GPC3: variants seen among roughly 807,000 people sequenced by gnomAD.
GPC3 encodes the protein glypican-3.
In GPC3, 3 loss-of-function variants were observed where a neutral mutation model predicts 34.4. The ratio of observed to expected loss-of-function variants is 0.09; its 90% CI spans 0.04 to 0.23. GPC3 has a LOEUF of 0.23. Ranked by LOEUF, GPC3 falls within the 10% of genes least tolerant of loss-of-function variation. The pLI, the probability that GPC3 is intolerant of heterozygous loss-of-function variation, is 1.00. For synonymous variants in GPC3, 177 were observed against 174.0 expected, an observed-to-expected ratio of 1.02 and a Z score of -0.13; for missense variants, 351 against 445.6, an observed-to-expected ratio of 0.79 and a Z score of 1.91.
intron 2 of GPC3, among the ~76,000 whole-genome samples, chrX:133,886,852 T>C: frequency 8.9e-6 from 1 of 112,931 alleles, no homozygotes; most frequent in Non-Finnish European, 1.9e-5. Context: ...AATCTGCTGA[T>C]GGATATTTAG....
intron 6 of GPC3, among the ~76,000 whole-genome samples, chrX:133,603,121 G>A (rs1488279400): frequency 6.1e-5 from 6 of 98,305 alleles, no homozygotes; most frequent in South Asian, 4.8e-4. Context: ...TTGTGATTTC[G>A]AAAAAAATAA....
At chrX:133,714,489 C>G (rs916415526) in intron 3 of GPC3, among the ~76,000 whole-genome samples, 1 of 110,659 alleles carries the variant, frequency 9.0e-6, no homozygotes, top group Non-Finnish European at 1.9e-5. Flanking sequence ...TCTTTGGGGT[C>G]CTGTATAGCT....
intron 6 of GPC3, among the ~76,000 whole-genome samples, chrX:133,630,447 C>T (rs2070352890): frequency 8.9e-6 from 1 of 111,909 alleles, no homozygotes; most frequent in Non-Finnish European, 1.9e-5. Context: ...TTTCCCTTGA[C>T]CTGAATTCTG....
At chrX:133,797,973 T>G (rs2075590690) in intron 2 of GPC3, among the ~76,000 whole-genome samples, 1 of 112,038 alleles carries the variant, frequency 8.9e-6, no homozygotes, top group Non-Finnish European at 1.9e-5. Flanking sequence ...AAAATTATAA[T>G]AAGTTTCCTA....
At chrX:133,594,008 A>G (rs914001222) in intron 7 of GPC3, among the ~76,000 whole-genome samples, 1 of 111,318 alleles carries the variant, frequency 9.0e-6, no homozygotes, top group African/African-American at 3.3e-5. Flanking sequence ...AGGCAGGAAA[A>G]TTGCTTGAAC....
intron 2 of GPC3, among the ~76,000 whole-genome samples, chrX:133,828,944 T>C (rs887044587): frequency 1.8e-5 from 2 of 112,059 alleles, no homozygotes; most frequent in Non-Finnish European, 3.8e-5. Flanking sequence ...CATTATGTTG[T>C]ATTCCATAAA....
intron 2 of GPC3, among the ~76,000 whole-genome samples, chrX:133,907,850 G>T (rs1265137220): frequency 9.0e-6 from 1 of 111,070 alleles, no homozygotes; most frequent in African/African-American, 3.3e-5. Flanking sequence ...AATACAGATT[G>T]CCAAATTGCT....
intron 6 of GPC3, among the ~76,000 whole-genome samples, chrX:133,626,341 T>C (rs2070297971): frequency 9.0e-6 from 1 of 111,611 alleles, no homozygotes. Context: ...AAAGAGCTTC[T>C]GCATAACAAA....
At chrX:133,802,136 T>A (rs1407654122) in intron 2 of GPC3, among the ~76,000 whole-genome samples, 1 of 111,887 alleles carries the variant, frequency 8.9e-6, no homozygotes, top group Admixed American at 9.5e-5. Flanking sequence ...AGATGAATAA[T>A]TAACTTTTTT....
intron 2 of GPC3, among the ~76,000 whole-genome samples, chrX:133,903,639 C>T (rs2076155631): frequency 8.9e-6 from 1 of 112,014 alleles, no homozygotes; most frequent in Non-Finnish European, 1.9e-5. Flanking sequence ...TAAATAAATA[C>T]ATTTTTATGT....
chrX:133,955,678 G>A (rs921881734), intron 1 of GPC3, among the ~76,000 whole-genome samples: 2 of 110,739 alleles, frequency 1.8e-5, no homozygotes, highest in East Asian at 2.8e-4. Context: ...CATAGTAAAT[G>A]AGTGCAATAA....
At chrX:133,932,878 G>A (rs1157896369) in intron 2 of GPC3, among the ~76,000 whole-genome samples, 1 of 111,389 alleles carries the variant, frequency 9.0e-6, no homozygotes, top group Non-Finnish European at 1.9e-5. Flanking sequence ...GACAGACAAA[G>A]AAAATTAATT....
chrX:133,818,149 T>A (rs1035941898), intron 2 of GPC3, among the ~76,000 whole-genome samples: 7 of 111,480 alleles, frequency 6.3e-5, no homozygotes, highest in Non-Finnish European at 1.3e-4. Flanking sequence ...CGATTTATAT[T>A]CCACTAGCAA....
chrX:133,769,188 CTCA>C (rs1301473101), intron 2 of GPC3, among the ~76,000 whole-genome samples: 2 of 111,521 alleles, frequency 1.8e-5, no homozygotes, highest in Non-Finnish European at 3.8e-5. Flanking sequence ...AATAGTCAAA[CTCA>C]TCAAAGCAGA....
intron 4 of GPC3, among the ~76,000 whole-genome samples, chrX:133,696,889 G>A (rs113614021): frequency 3.6e-5 from 4 of 112,554 alleles, no homozygotes; most frequent in African/African-American, 1.3e-4. Context: ...AGCCTGCTCA[G>A]GAAAAAGTCT....
At chrX:133,871,656 T>C (rs2075994499) in intron 2 of GPC3, among the ~76,000 whole-genome samples, 1 of 112,273 alleles carries the variant, frequency 8.9e-6, no homozygotes, top group South Asian at 3.6e-4. Flanking sequence ...TGATACACTT[T>C]AAACCACATA....
intron 3 of GPC3, among the ~76,000 whole-genome samples, chrX:133,742,486 C>T (rs2071572395): frequency 1.8e-5 from 2 of 111,614 alleles, no homozygotes; most frequent in South Asian, 7.5e-4. Flanking sequence ...AGCTCCACTA[C>T]ATGAGATTTA....
At chrX:133,620,798 A>G (rs1206651411) in intron 6 of GPC3, among the ~76,000 whole-genome samples, 1 of 111,911 alleles carries the variant, frequency 8.9e-6, no homozygotes, top group African/African-American at 3.2e-5. Context: ...ATTCCTTTCT[A>G]TTGATTATAA....
chrX:133,961,545 G>A (rs1375224259), intron 1 of GPC3, among the ~76,000 whole-genome samples: 1 of 111,303 alleles, frequency 9.0e-6, no homozygotes, highest in Non-Finnish European at 1.9e-5. Flanking sequence ...ACAAATTCAC[G>A]GATTATATCC....
Sources: allele counts gnomAD v4.1 joint callset (sites outside exome capture counted in the v4.1 genomes callset), GRCh38; gene constraint gnomAD v4.1.1; transcripts MANE v1.5; gene names NCBI Gene and HGNC (gene_info 2026-07-23, HGNC 2026-07-21).